Variants in CADPS2 observed in about 807,000 individuals in gnomAD.
The protein encoded by CADPS2 is calcium dependent secretion activator 2, also known as calcium-dependent secretion activator 2.
Under a neutral mutation model 172.5 loss-of-function variants are expected in CADPS2, and 93 were observed. The observed-to-expected ratio is 0.54, with a 90% confidence interval of 0.46 to 0.64. CADPS2 has a LOEUF of 0.64. Ranked by LOEUF, CADPS2 falls within the 30% of genes least tolerant of loss-of-function variation. CADPS2 has a pLI of 0.00. For missense variants in CADPS2, 1,420 were observed against 1,565.9 expected (o/e 0.91, Z 1.57); for synonymous variants, 546 against 555.2 (o/e 0.98, Z 0.23).
intron 1 of CADPS2, among the ~76,000 whole-genome samples, chr7:122,836,939 C>G: frequency 6.6e-6 from 1 of 152,188 alleles, no homozygotes; most frequent in Non-Finnish European, 1.5e-5. Flanking sequence ...TAATAGACAT[C>G]TACAGAACGC....
At chr7:122,530,795 T>C (rs1251891484) in intron 8 of CADPS2, among the ~76,000 whole-genome samples, 6 of 152,182 alleles carry the variant, frequency 3.9e-5, no homozygotes, top group East Asian at 1.9e-4. Context: ...CTACCATATA[T>C]ATAAAATTGT....
Position 122,320,082 on chromosome 7 carries a change from G to T in CADPS2, c.*83C>A. 1 of 1,262,812 alleles carries T rather than the reference G, an allele frequency of 7.9e-7. No homozygotes were observed. The highest frequency in any genetic ancestry group is 2.6e-5 in the South Asian group (1 of 37,816). The allele number at this position is 1,262,812 out of a possible 1,614,324, so 78.2% of individuals were successfully genotyped here. A position where few individuals can be genotyped will look rare whatever the true frequency, so the allele number is the denominator to read the frequency against. ...TTTTTATTTGGCCAAAACAAACAATGAATGTAATTACAAGGACAAGGTTAA... is the reference window on the plus strand; with the variant it reads ...TTTTTATTTGGCCAAAACAAACAATTAATGTAATTACAAGGACAAGGTTAA... On this transcript the variant is annotated 3_prime_UTR_variant, in exon 30 of 30. Coordinates refer to ENST00000449022, the MANE Select transcript of CADPS2 (RefSeq NM_017954.11).
chr7:122,425,425 CAAAAAAAAAA>C lies in CADPS2; in HGVS notation c.2477-9271_2477-9262del, dbSNP rs71159797. On this transcript the variant is annotated intron_variant, in intron 17 of 29. Coordinates refer to ENST00000449022, the MANE Select transcript of CADPS2 (RefSeq NM_017954.11). ...CAACGTGGCGAAACCCTATCTCTAC[CAAAAAAAAAA>C]AAAAAAAAAAAAAAAATTATCCAGG... Among the ~76,000 whole-genome samples, 25 of 72,674 alleles carry C rather than the reference CAAAAAAAAAA, an allele frequency of 3.4e-4. No individual in the cohort carries two copies. The East Asian group carries it at 9.2e-3, about 27-fold the overall frequency. The allele number at this position is 72,674 out of a possible 152,430, so 47.7% of individuals were successfully genotyped here.
intron 1 of CADPS2, among the ~76,000 whole-genome samples, chr7:122,740,260 A>G (rs2092391768): frequency 6.6e-6 from 1 of 152,186 alleles, no homozygotes; most frequent in Admixed American, 6.6e-5. Context: ...ATTTATGTCC[A>G]CACAAATACC....
At chr7:122,641,089 T>G (rs1588058387) in intron 3 of CADPS2, among the ~76,000 whole-genome samples, 1 of 151,270 alleles carries the variant, frequency 6.6e-6, no homozygotes, top group African/African-American at 2.4e-5. Flanking sequence ...TTAATGTCAT[T>G]TTTTTTTTAC....
intron 12 of CADPS2, among the ~76,000 whole-genome samples, chr7:122,474,760 T>C (rs2056432742): frequency 6.6e-6 from 1 of 152,094 alleles, no homozygotes; most frequent in Non-Finnish European, 1.5e-5. Context: ...TTCAAAGCTA[T>C]TTCTAATATC....
chr7:122,549,222 C>G (rs551892134), intron 8 of CADPS2, among the ~76,000 whole-genome samples: 2 of 152,182 alleles, frequency 1.3e-5, no homozygotes, highest in Admixed American at 1.3e-4. Context: ...CATAGCGAAA[C>G]CCTGTCTCTA....
At chr7:122,787,340 G>T (rs969430360) in intron 1 of CADPS2, among the ~76,000 whole-genome samples, 2 of 152,150 alleles carry the variant, frequency 1.3e-5, no homozygotes, top group African/African-American at 4.8e-5. Flanking sequence ...GGAGAATTCA[G>T]AAGGGACCAC....
At chr7:122,842,017 T>C (rs1240617059) in intron 1 of CADPS2, among the ~76,000 whole-genome samples, 4 of 152,180 alleles carry the variant, frequency 2.6e-5, no homozygotes, top group Non-Finnish European at 5.9e-5. Context: ...AGGCCTGGGT[T>C]AGCAGCAGCT....
At chr7:122,727,870 T>C (rs1463307470) in intron 2 of CADPS2, among the ~76,000 whole-genome samples, 3 of 151,896 alleles carry the variant, frequency 2.0e-5, no homozygotes, top group African/African-American at 7.2e-5. Flanking sequence ...TGAAACACAA[T>C]GGTTAATATC....
chr7:122,603,454 T>C (rs2073070130), intron 6 of CADPS2, among the ~76,000 whole-genome samples: 2 of 108,686 alleles, frequency 1.8e-5, no homozygotes, highest in African/African-American at 8.9e-5. Flanking sequence ...AATGAATACA[T>C]GAGCAGAAAA....
At chr7:122,551,151 T>A (rs2064232662) in intron 8 of CADPS2, among the ~76,000 whole-genome samples, 1 of 152,122 alleles carries the variant, frequency 6.6e-6, no homozygotes, top group Admixed American at 6.6e-5. Context: ...CATATTAAAA[T>A]GCAACATTGA....
At chr7:122,469,580 C>T (rs2055632645) in intron 14 of CADPS2, among the ~76,000 whole-genome samples, 6 of 152,076 alleles carry the variant, frequency 3.9e-5, no homozygotes, top group Admixed American at 3.9e-4. Context: ...TCAGCAACAT[C>T]CTCCTAATTT....
chr7:122,859,429 T>C (rs1367693871), intron 1 of CADPS2, among the ~76,000 whole-genome samples: 1 of 152,160 alleles, frequency 6.6e-6, no homozygotes, highest in South Asian at 2.1e-4. Flanking sequence ...CTCCAGTCAA[T>C]TGTGTATTTC....
chr7:122,470,072 T>C (rs1429050321), intron 14 of CADPS2, among the ~76,000 whole-genome samples: 1 of 152,138 alleles, frequency 6.6e-6, no homozygotes, highest in Admixed American at 6.6e-5. Flanking sequence ...AATGGGAAAA[T>C]GTTGATGCTA....
At chr7:122,746,667 G>T (rs2138204568) in intron 1 of CADPS2, among the ~76,000 whole-genome samples, 1 of 151,844 alleles carries the variant, frequency 6.6e-6, no homozygotes, top group Admixed American at 6.6e-5. Flanking sequence ...ACACCCTCAT[G>T]TTTTAAAGTT....
intron 3 of CADPS2, among the ~76,000 whole-genome samples, chr7:122,648,817 A>G (rs924854412): frequency 6.6e-6 from 1 of 152,190 alleles, no homozygotes; most frequent in Non-Finnish European, 1.5e-5. Flanking sequence ...GATGAAGTCC[A>G]GCAGCCTAAG....
chr7:122,409,772 G>T, intron 19 of CADPS2: 1 of 383,548 alleles, frequency 2.6e-6, no homozygotes. Context: ...AGGAAGATGA[G>T]GGGCTGTATA....
At chr7:122,636,842 G>A (rs932557570) in intron 3 of CADPS2, among the ~76,000 whole-genome samples, 1 of 151,960 alleles carries the variant, frequency 6.6e-6, no homozygotes, top group Non-Finnish European at 1.5e-5. Flanking sequence ...TGGTCATCTT[G>A]TATACTATCT....
Sources: gnomAD v4.1 joint callset for allele counts (sites outside exome capture counted in the v4.1 genomes callset) on GRCh38, gnomAD v4.1.1 for gene constraint, MANE v1.5 for transcripts, NCBI Gene and HGNC (gene_info 2026-07-23, HGNC 2026-07-21) for gene names.